The following NETO1 variants were observed in gnomAD, a reference collection of about 807,000 sequenced individuals.
The protein encoded by NETO1 is neuropilin and tolloid-like protein 1.
A neutral mutation model predicts 61.3 loss-of-function variants in NETO1; 26 were observed. That is an observed-to-expected ratio of 0.42 (90% confidence interval 0.31 to 0.59). The LOEUF is 0.59. Ranked by LOEUF, NETO1 falls within the 20% of genes least tolerant of loss-of-function variation. The pLI is 0.12. For synonymous variants in NETO1, 225 were observed against 225.8 expected (o/e 1.00, Z 0.03); for missense variants, 531 against 662.8 (o/e 0.80, Z 2.18).
At chr18:72,835,346 G>A (rs2073711036) in intron 4 of NETO1, 3 of 1,570,356 alleles carry the variant, frequency 1.9e-6, no homozygotes, top group Admixed American at 1.7e-5. Context: ...AATTAAAGAA[G>A]TTTAATTAGA....
intron 7 of NETO1, among the ~76,000 whole-genome samples, chr18:72,758,635 G>C (rs147094585): frequency 6.6e-6 from 1 of 152,014 alleles, no homozygotes; most frequent in African/African-American, 2.4e-5. Flanking sequence ...CCAGGAGCTC[G>C]AGACCAACCC....
intron 4 of NETO1, among the ~76,000 whole-genome samples, chr18:72,853,751 C>CA (rs5826212): frequency 0.74 from 104,366 of 141,290 alleles, 38,786 homozygotes; most frequent in East Asian, 0.99. Flanking sequence ...AGTGAGATGT[C>CA]AAAAAAAAAA....
At chr18:72,797,849 GTC>G (rs2072370637) in intron 4 of NETO1, among the ~76,000 whole-genome samples, 1 of 152,084 alleles carries the variant, frequency 6.6e-6, no homozygotes, top group Admixed American at 6.5e-5. Flanking sequence ...CCAGGAACTT[GTC>G]CTTTTGTCTC....
In NETO1 at chr18:72,757,241, T is replaced by C. The variant is rs537157309; in HGVS notation, c.869-1094A>G. Among the ~76,000 whole-genome samples, 4 of 152,310 alleles carry C rather than the reference T, an allele frequency of 2.6e-5. No individual in the cohort carries two copies. In the East Asian group the frequency reaches 7.7e-4, roughly 29 times the overall value. The stretch of plus-strand genomic sequence containing the variant: ...TTTAGACACTGCAGTCATGTTATAA[T>C]GAGTTTATTTTTCACTTTCAAAACT... On this transcript the variant is annotated intron_variant, in intron 7 of 10. Transcript: ENST00000327305.
chr18:72,854,861 G>C (rs2074367947), intron 4 of NETO1, among the ~76,000 whole-genome samples: 1 of 150,886 alleles, frequency 6.6e-6, no homozygotes. Context: ...CAATAAAGTT[G>C]AGTCAATTTT....
At chr18:72,752,319 G>A (rs1456439168) in intron 8 of NETO1, among the ~76,000 whole-genome samples, 1 of 152,150 alleles carries the variant, frequency 6.6e-6, no homozygotes, top group Non-Finnish European at 1.5e-5. Context: ...GGCAATTGGT[G>A]GAGACTAACA....
intron 6 of NETO1, 122 bp downstream of exon 6, chr18:72,793,995 T>G: frequency 7.8e-7 from 1 of 1,286,184 alleles, no homozygotes; most frequent in Non-Finnish European, 1.1e-6. Context: ...CAAAATGAAA[T>G]CATAGCCTTT....
chr18:72,860,634 A>G (rs2074542483), intron 3 of NETO1, among the ~76,000 whole-genome samples: 1 of 152,234 alleles, frequency 6.6e-6, no homozygotes, highest in African/African-American at 2.4e-5. Context: ...TAACTCATGC[A>G]AGAAAAATAT....
At position 72,744,827 on chromosome 18, in the gene NETO1, CAT is replaced by C. The variant is rs2070397465; in HGVS notation, c.*3350_*3351del. On this transcript the variant is annotated 3_prime_UTR_variant, in exon 11 of 11. Coordinates refer to ENST00000327305, the MANE Select transcript of NETO1 (RefSeq NM_138966.5). Reference sequence around the variant, plus strand: ...ATCAAGGTAATAGGAACCAGGGGGTCATATCTTGTAATTTATTATGATATTCT... The same window carrying C: ...ATCAAGGTAATAGGAACCAGGGGGTCATCTTGTAATTTATTATGATATTCT... 6.6e-6 allele frequency: 1 copy of C among 152,010 alleles called. No individual in the cohort carries two copies. The highest frequency in any genetic ancestry group is 1.5e-5 in the Non-Finnish European group (1 of 68,004). 9.4% of individuals were successfully genotyped at this position (152,010 alleles called of 1,614,324 possible).
intron 6 of NETO1, among the ~76,000 whole-genome samples, chr18:72,792,598 T>C (rs1476236585): frequency 6.6e-6 from 1 of 151,562 alleles, no homozygotes; most frequent in Admixed American, 6.6e-5. Flanking sequence ...CTTGACCTTC[T>C]GCTTGCAGTG....
At chr18:72,809,635 C>A (rs1057065895) in intron 4 of NETO1, among the ~76,000 whole-genome samples, 2 of 152,198 alleles carry the variant, frequency 1.3e-5, no homozygotes, top group Admixed American at 6.5e-5. Context: ...CAAAGAATAT[C>A]TCAAATATGA....
At chr18:72,847,797 T>A (rs966760777) in intron 4 of NETO1, among the ~76,000 whole-genome samples, 2 of 152,152 alleles carry the variant, frequency 1.3e-5, no homozygotes, top group Admixed American at 1.3e-4. Flanking sequence ...TCTCCATCCA[T>A]CCACCAGTAA....
intron 4 of NETO1, among the ~76,000 whole-genome samples, chr18:72,823,042 C>A (rs9285372): frequency 0.95 from 144,871 of 152,260 alleles, 69,356 homozygotes; most frequent in East Asian, 1. Context: ...ACTTCTTAAG[C>A]GCTTACATTA....
intron 4 of NETO1, among the ~76,000 whole-genome samples, chr18:72,817,749 G>A (rs2073071511): frequency 6.6e-6 from 1 of 152,168 alleles, no homozygotes; most frequent in Non-Finnish European, 1.5e-5. Flanking sequence ...TCCAAGATTT[G>A]GTTGGAAAAA....
intron 4 of NETO1, among the ~76,000 whole-genome samples, chr18:72,843,138 T>C (rs1308738254): frequency 6.6e-6 from 1 of 152,168 alleles, no homozygotes; most frequent in Non-Finnish European, 1.5e-5. Context: ...TTTGTAAACA[T>C]GTAGGAATAT....
intron 4 of NETO1, among the ~76,000 whole-genome samples, chr18:72,815,914 T>A (rs1346680743): frequency 6.6e-6 from 1 of 152,240 alleles, no homozygotes; most frequent in Non-Finnish European, 1.5e-5. Context: ...AATAGACTTG[T>A]ACATTTTACT....
At chr18:72,805,958 A>T (rs2072662188) in intron 4 of NETO1, among the ~76,000 whole-genome samples, 1 of 152,210 alleles carries the variant, frequency 6.6e-6, no homozygotes, top group Non-Finnish European at 1.5e-5. Flanking sequence ...CCACGTAAGT[A>T]AATCTTTTTC....
chr18:72,783,598 G>A, intron 7 of NETO1, 80 bp downstream of exon 7: 1 of 1,212,828 alleles, frequency 8.2e-7, no homozygotes, highest in Non-Finnish European at 1.2e-6. Context: ...ACTGTGTGAA[G>A]AAAACACCAT....
intron 3 of NETO1, among the ~76,000 whole-genome samples, chr18:72,859,436 G>A (rs150636641): frequency 9.2e-5 from 14 of 152,208 alleles, no homozygotes; most frequent in Non-Finnish European, 1.5e-4. Context: ...GAATACTCAG[G>A]TTTAAGGTAA....
Sources: gnomAD v4.1 joint callset for allele counts (sites outside exome capture counted in the v4.1 genomes callset) on GRCh38, gnomAD v4.1.1 for gene constraint, MANE v1.5 for transcripts, NCBI Gene and HGNC (gene_info 2026-07-23, HGNC 2026-07-21) for gene names.